The following PCNX1 variants were observed in gnomAD, a reference collection of about 807,000 sequenced individuals.
The protein encoded by PCNX1 is pecanex 1.
In PCNX1, 78 loss-of-function variants were observed where a neutral mutation model predicts 242.2. The ratio of observed to expected loss-of-function variants is 0.32; its 90% CI spans 0.27 to 0.39. PCNX1 has a LOEUF of 0.39. Ranked by LOEUF, PCNX1 falls within the 10% of genes least tolerant of loss-of-function variation. The pLI is 1.00. For synonymous variants in PCNX1, 1,024 were observed against 1,032.9 expected (o/e 0.99, Z 0.17); for missense variants, 2,581 against 2,856.5 (o/e 0.90, Z 2.20).
At chr14:70,961,733 T>G (rs1374984583) in intron 2 of PCNX1, among the ~76,000 whole-genome samples, 1 of 152,228 alleles carries the variant, frequency 6.6e-6, no homozygotes, top group Non-Finnish European at 1.5e-5. Flanking sequence ...CAGATACAAA[T>G]AGCTTGACCA....
At position 71,076,290 on chromosome 14, in the gene PCNX1, C is replaced by T. The variant is rs1010927310; in HGVS notation, c.5208C>T (p.Val1736=). ...GLRLCADRNY[V]DVDPTFNPNI... Reference sequence around the variant, plus strand: ...GTCTGTGTGCTGATCGCAATTATGTCGATGTGGACCCGACCTTTAATCCAA... The same window carrying T: ...GTCTGTGTGCTGATCGCAATTATGTTGATGTGGACCCGACCTTTAATCCAA... Residue 1736 remains valine, a synonymous_variant, in exon 28 of 36, where the codon GTC becomes GTT. Transcript: ENST00000304743. 6.8e-6 allele frequency: 11 copies of T among 1,613,692 alleles called. No individual in the cohort carries two copies. Among genetic ancestry groups the T allele is most frequent in the East Asian group, 4.5e-5 (2 of 44,872 alleles).
intron 11 of PCNX1, among the ~76,000 whole-genome samples, chr14:71,017,862 A>G (rs2059999987): frequency 6.6e-6 from 1 of 152,224 alleles, no homozygotes; most frequent in Non-Finnish European, 1.5e-5. Flanking sequence ...AGAACTATTA[A>G]ATGTATTAAG....
rs2061947476 is a variant in PCNX1, at chr14:71,084,964, CT to C, written c.5338-3365del. Among the ~76,000 whole-genome samples the C allele has an allele frequency of 2.0e-5, 3 of 152,278 alleles. No individual in the cohort carries two copies. In the South Asian group the frequency reaches 6.2e-4, roughly 32 times the overall value. On this transcript the variant is annotated intron_variant, in intron 28 of 35. Transcript: ENST00000304743. ...AGTTTTGTGCTTGAAACCCAGGGCC[CT>C]GGTGGTATAGGCACGCGAGGGAATC...
At chr14:70,935,573 C>G (rs1859468) in intron 1 of PCNX1, among the ~76,000 whole-genome samples, 94,453 of 151,984 alleles carry the variant, frequency 0.62, 29,647 homozygotes, top group South Asian at 0.72. Flanking sequence ...GTGTTAAGTA[C>G]TCTGTTTTAT....
chr14:70,976,151 A>G (rs2140101491), intron 5 of PCNX1, among the ~76,000 whole-genome samples: 1 of 152,312 alleles, frequency 6.6e-6, no homozygotes, highest in Admixed American at 6.5e-5. Flanking sequence ...AATGATAGCC[A>G]TCTTTAATTG....
chr14:70,908,124 G>A, intron 1 of PCNX1, 121 bp downstream of exon 1: 1 of 913,536 alleles, frequency 1.1e-6, no homozygotes, highest in Non-Finnish European at 1.5e-6. Flanking sequence ...CCCTCTCGGT[G>A]TGAGGCTCCC....
intron 8 of PCNX1, among the ~76,000 whole-genome samples, chr14:71,003,649 G>T (rs1443779335): frequency 6.6e-6 from 1 of 152,148 alleles, no homozygotes; most frequent in Non-Finnish European, 1.5e-5. Context: ...CTTTTGGAAA[G>T]TTCAGCTGAT....
rs1031756597 is a variant in PCNX1, at chr14:70,949,247, G to A, written c.362+2124G>A. Among the ~76,000 whole-genome samples, 3 of 94,084 alleles carry A rather than the reference G, an allele frequency of 3.2e-5. 1 individual carries two copies. In the Admixed American group the frequency reaches 3.7e-4, roughly 12 times the overall value. 61.7% of individuals were successfully genotyped at this position (94,084 alleles called of 152,430 possible). A position where few individuals can be genotyped will look rare whatever the true frequency, so the allele number is the denominator to read the frequency against. ...GATATATGTATGTGTATATACACACGTGTATACACACACACGTGTATGCAC... is the reference window on the plus strand; with the variant it reads ...GATATATGTATGTGTATATACACACATGTATACACACACACGTGTATGCAC... On this transcript the variant is annotated intron_variant, in intron 2 of 35. Transcript: ENST00000304743.
intron 1 of PCNX1, among the ~76,000 whole-genome samples, chr14:70,936,612 A>G (rs945281606): frequency 1.3e-5 from 2 of 152,220 alleles, no homozygotes; most frequent in African/African-American, 4.8e-5. Flanking sequence ...GTGTCTTTAT[A>G]GCAGCATGAT....
At chr14:71,080,287 A>G (rs1340924968) in intron 28 of PCNX1, among the ~76,000 whole-genome samples, 2 of 152,102 alleles carry the variant, frequency 1.3e-5, no homozygotes, top group African/African-American at 4.8e-5. Flanking sequence ...CTTGCAGTAG[A>G]GTTTGAAGTT....
rs773342489 is a variant in PCNX1 at position 71,051,917 on chromosome 14, G to C, written c.4482G>C (p.Ser1494=). The change falls in exon 24 of 36, where the codon TCG becomes TCC. Residue 1494 remains serine, a synonymous_variant. Transcript: ENST00000304743. ...SAMLFIQAAV[S]AFFSTPLNPF... Reference sequence around the variant, plus strand: ...TGCTGTTTATTCAGGCTGCTGTCTCGGCCTTCTTCTCTACTCCACTGAACC... The same window carrying C: ...TGCTGTTTATTCAGGCTGCTGTCTCCGCCTTCTTCTCTACTCCACTGAACC... 6.2e-7 allele frequency: 1 copy of C among 1,613,518 alleles called. No individual in the cohort carries two copies. Among genetic ancestry groups the C allele is most frequent in the Admixed American group, 1.7e-5 (1 of 59,966 alleles).
chr14:71,046,907 A>C (rs1156596310), intron 20 of PCNX1, 57 bp from the exon 21 acceptor site: 1 of 1,416,126 alleles, frequency 7.1e-7, no homozygotes, highest in African/African-American at 1.5e-5. Flanking sequence ...CTTTCTCATC[A>C]CATTGACAAA....
chr14:70,979,332 A>G (rs2058770391), intron 6 of PCNX1, among the ~76,000 whole-genome samples: 1 of 152,168 alleles, frequency 6.6e-6, no homozygotes, highest in South Asian at 2.1e-4. Context: ...TGTTCTGGTT[A>G]AAGTAATAGC....
Position 70,908,009 on chromosome 14 carries a change from T to G in PCNX1, c.153+6T>G. The G allele has an allele frequency of 1.9e-6, 3 of 1,571,026 alleles. No individual in the cohort carries two copies. The highest frequency in any genetic ancestry group is 2.6e-6 in the Non-Finnish European group (3 of 1,161,954). ...TGCCCTTCACCCTCTACATGGTGAG[T>G]GTGGGGGCGGGGAGCGGGTGGCTCC... On this transcript the variant is annotated splice_donor_region_variant and intron_variant, in intron 1 of 35. Coordinates refer to ENST00000304743, the MANE Select transcript of PCNX1 (RefSeq NM_014982.3).
chr14:71,009,855 AAT>A, intron 9 of PCNX1, 131 bp downstream of exon 9: 1 of 465,924 alleles, frequency 2.1e-6, no homozygotes, highest in South Asian at 5.0e-5. Context: ...GACAAATAAA[AAT>A]CATAAATATT....
At position 71,050,858 on chromosome 14, in the gene PCNX1, G is replaced by A. The variant is rs554571607; in HGVS notation, c.4447+98G>A. 10 of 1,112,392 alleles carry A rather than the reference G, an allele frequency of 9.0e-6. No individual in the cohort carries two copies. In the Middle Eastern group the frequency reaches 7.0e-4, roughly 78 times the overall value. The allele number at this position is 1,112,392 out of a possible 1,614,324, so 68.9% of individuals were successfully genotyped here. On this transcript the variant is annotated intron_variant, in intron 23 of 35. Transcript: ENST00000304743. Reference sequence around the variant, plus strand: ...ACCTTTCATGGTGTAAGTTTACTGTGTAATGAATTATCAAAAATTCATAAT... The same window carrying A: ...ACCTTTCATGGTGTAAGTTTACTGTATAATGAATTATCAAAAATTCATAAT...
At chr14:71,089,674 C>A (rs149077720) in intron 30 of PCNX1, among the ~76,000 whole-genome samples, 1 of 152,172 alleles carries the variant, frequency 6.6e-6, no homozygotes, top group Non-Finnish European at 1.5e-5. Context: ...GGGGTAACTG[C>A]TCTCATGATT....
intron 5 of PCNX1, among the ~76,000 whole-genome samples, chr14:70,976,515 G>C (rs2058694952): frequency 6.6e-6 from 1 of 151,932 alleles, no homozygotes; most frequent in African/African-American, 2.4e-5. Flanking sequence ...TGGGACTACA[G>C]GCGCTCGCCA....
chr14:70,978,805 A>G (rs181381826), intron 6 of PCNX1, among the ~76,000 whole-genome samples, 157 bp downstream of exon 6: 2 of 152,318 alleles, frequency 1.3e-5, no homozygotes, highest in African/African-American at 4.8e-5. Flanking sequence ...TGATTATCTT[A>G]GAAAAGGTTT....
Sources: allele counts gnomAD v4.1 joint callset (sites outside exome capture counted in the v4.1 genomes callset), GRCh38; gene constraint gnomAD v4.1.1; transcripts MANE v1.5; gene names NCBI Gene and HGNC (gene_info 2026-07-23, HGNC 2026-07-21).